Variants in UBQLNL observed in about 807,000 individuals in gnomAD.
UBQLNL encodes ubiquilin like, also known as ubiquilin-like protein.
For synonymous variants in UBQLNL, 223 were observed against 209.7 expected (o/e 1.06, Z -0.55); for missense variants, 589 against 567.1 (o/e 1.04, Z -0.39).
In UBQLNL at chr11:5,515,941, G is replaced by A. The variant is rs1336736860; in HGVS notation, c.501C>T (p.Ser167=). 1 of 1,614,086 alleles carries A rather than the reference G, an allele frequency of 6.2e-7. No individual in the cohort carries two copies. Among genetic ancestry groups the A allele is most frequent in the South Asian group, 1.1e-5 (1 of 91,082 alleles). Reference sequence around the variant, plus strand: ...GCATCTGTGCTTTGCACTCTGGGTGGCTCACTTCCAAGTTTTGGGTATGCA... The same window carrying A: ...GCATCTGTGCTTTGCACTCTGGGTGACTCACTTCCAAGTTTTGGGTATGCA... ...PKVHTQNLEV[S]HPECKAQMLE... Residue 167 remains serine, a synonymous_variant, in exon 1 of 1, where the codon AGC becomes AGT. Transcript: ENST00000380184.
rs145406312 is a variant in UBQLNL at position 5,516,232 on chromosome 11, T to G, written c.210A>C (p.Leu70=). Residue 70 remains leucine, a synonymous_variant, in exon 1 of 1, where the codon CTA becomes CTC. Transcript: ENST00000380184. ...LAHFQCQMDQ[L]VLVFMGCLLK... ...GAAGGCAACCCATGAAGACCAGCAC[T>G]AGTTGGTCCATCTGGCATTGGAAGT... 6.2e-6 allele frequency: 10 copies of G among 1,614,160 alleles called. No homozygotes were observed. Among genetic ancestry groups the G allele is most frequent in the South Asian group, 1.1e-5 (1 of 91,082 alleles).
rs1322045259 is a variant in UBQLNL at position 5,515,401 on chromosome 11, G to A, written c.1041C>T (p.Asp347=). 6.2e-7 allele frequency: 1 copy of A among 1,614,166 alleles called. No individual in the cohort carries two copies. The highest frequency in any genetic ancestry group is 1.7e-5 in the Admixed American group (1 of 60,030). The change falls in exon 1 of 1, where the codon GAC becomes GAT. Residue 347 remains aspartate (D), a synonymous_variant. Transcript: ENST00000380184. The part of the protein sequence containing the change: ...GGFSSNTSAN[D]TLNKVNHTSK... ...AAGTGTGGTTGACCTTGTTAAGGGT[G>A]TCATTGGCTGAGGTGTTTGAAGAGA... is the stretch of plus-strand genomic sequence containing the variant.
Position 5,515,774 on chromosome 11 carries a change from A to C in UBQLNL, c.668T>G (p.Leu223Trp). The C allele has an allele frequency of 1.2e-6, 2 of 1,614,112 alleles. No individual in the cohort carries two copies. Among genetic ancestry groups the C allele is most frequent in the Non-Finnish European group, 1.7e-6 (2 of 1,180,016 alleles). ...GTTCCTGGCCAGCTCCAGAGTCTGC[A>C]ATAGGATCTCAGAATTATCAAGAAG... ...RLLLDNSEIL[L>W]QTLELARNLA... The change falls in exon 1 of 1, where the codon TTG becomes TGG. Residue 223 changes from leucine to tryptophan, a missense_variant. Physicochemically the swap from Leu to Trp is moderately conservative, Grantham distance 61. Transcript: ENST00000380184.
In UBQLNL at chr11:5,515,288, C is replaced by T; in HGVS notation, c.1154G>A (p.Ser385Asn). ...RQPAWIPALP[S>N]IELTQQLQEE... ...TTGAAGCTGCTGGGTAAGCTCTATG[C>T]TAGGTAAGGCTGGTATCCAAGCTGG... is the stretch of plus-strand genomic sequence containing the variant. The change falls in exon 1 of 1, where the codon AGC becomes AAC. Residue 385 changes from serine (S) to asparagine (N), a missense_variant. By Grantham distance (46) the Ser-to-Asn change is conservative (BLOSUM62 1). Coordinates refer to ENST00000380184, the MANE Select transcript of UBQLNL (RefSeq NM_145053.5). 1 of 1,614,212 alleles carries T rather than the reference C, an allele frequency of 6.2e-7. No homozygotes were observed. The highest frequency in any genetic ancestry group is 8.5e-7 in the Non-Finnish European group (1 of 1,180,040).
At position 5,515,671 on chromosome 11, in the gene UBQLNL, A is replaced by G; in HGVS notation, c.771T>C (p.Tyr257=). 6.2e-7 allele frequency: 1 copy of G among 1,614,158 alleles called. No individual in the cohort carries two copies. The highest frequency in any genetic ancestry group is 8.5e-7 in the Non-Finnish European group (1 of 1,180,020). ...CACCTGGCATTGTCTCTAAGCCCAG[A>G]TATGGCTGTGGGTTCAGTGGATACT... The part of the protein sequence containing the change: ...NLEYPLNPQP[Y]LGLETMPGGN... Residue 257 remains tyrosine, a synonymous_variant, in exon 1 of 1, where the codon TAT becomes TAC. Coordinates refer to ENST00000380184, the MANE Select transcript of UBQLNL (RefSeq NM_145053.5).
Position 5,516,603 on chromosome 11 carries a change from A to C in UBQLNL, c.-162T>G, listed in dbSNP as rs558161742. 6.1e-6 allele frequency: 4 copies of C among 654,366 alleles called. 1 individual carries two copies. The East Asian group carries it at 1.1e-4, about 18-fold the overall frequency. The allele number at this position is 654,366 out of a possible 1,614,324, so 40.5% of individuals were successfully genotyped here. A position where few individuals can be genotyped will look rare whatever the true frequency, so the allele number is the denominator to read the frequency against. On this transcript the variant is annotated 5_prime_UTR_variant, in exon 1 of 1. Coordinates refer to ENST00000380184, the MANE Select transcript of UBQLNL (RefSeq NM_145053.5). ...AGGGATGAGTGACCAGACTGGGGCC[A>C]GATATTTTGTGATGTTGTGCCCTCA...
rs557573869 is a variant in UBQLNL, at chr11:5,515,894, C to T, written c.548G>A (p.Arg183Gln). The change falls in exon 1 of 1, where the codon CGG (arginine) becomes CAG (glutamine). Residue 183 changes from arginine to glutamine, a missense_variant. Transcript: ENST00000380184. ...AQMLENPSIQ[R>Q]LLSNMEFMWQ... ...CATGAACTCCATGTTGGACAGAAGCCGCTGGATGCTAGGATTCTCCAGCAT... is the reference window on the plus strand; with the variant it reads ...CATGAACTCCATGTTGGACAGAAGCTGCTGGATGCTAGGATTCTCCAGCAT... 70 of 1,614,028 alleles carry T rather than the reference C, an allele frequency of 4.3e-5. No individual in the cohort carries two copies. The East Asian group carries it at 7.1e-4, about 16-fold the overall frequency.
chr11:5,515,549 A>T lies in UBQLNL; in HGVS notation c.893T>A (p.Leu298Gln), dbSNP rs1207116710. ...PFGGNPFTAL[L>Q]AGQVLEQVQS... ...GACTTGTTCTAGCACTTGTCCTGCCAGGAGAGCTGTGAAAGGGTTTCCTCC... is the reference window on the plus strand; with the variant it reads ...GACTTGTTCTAGCACTTGTCCTGCCTGGAGAGCTGTGAAAGGGTTTCCTCC... The change falls in exon 1 of 1, where the codon CTG becomes CAG. Residue 298 changes from leucine (L) to glutamine (Q), a missense_variant. Physicochemically the swap from Leu to Gln is moderately radical, Grantham distance 113 (BLOSUM62 -2). Transcript: ENST00000380184. 1 of 1,614,044 alleles carries T rather than the reference A, an allele frequency of 6.2e-7. No individual in the cohort carries two copies. The highest frequency in any genetic ancestry group is 8.5e-7 in the Non-Finnish European group (1 of 1,180,036).
chr11:5,515,752 C>T lies in UBQLNL; in HGVS notation c.690G>A (p.Arg230=). ...TTATCTCTTGGATCATAGCAAGGTT[C>T]CTGGCCAGCTCCAGAGTCTGCAATA... is the stretch of plus-strand genomic sequence containing the variant. ...EILLQTLELA[R]NLAMIQEIMQ... is the part of the protein sequence containing the mutation. Residue 230 remains arginine, a synonymous_variant, in exon 1 of 1, where the codon AGG becomes AGA. Coordinates refer to ENST00000380184, the MANE Select transcript of UBQLNL (RefSeq NM_145053.5). 1.1e-5 allele frequency: 18 copies of T among 1,614,096 alleles called. No individual in the cohort carries two copies. Among genetic ancestry groups the T allele is most frequent in the Non-Finnish European group, 1.5e-5 (18 of 1,180,016 alleles).
At position 5,515,700 on chromosome 11, in the gene UBQLNL, G is replaced by A; in HGVS notation, c.742C>T (p.Leu248Phe). 1.2e-6 allele frequency: 2 copies of A among 1,614,160 alleles called. No homozygotes were observed. Among genetic ancestry groups the A allele is most frequent in the Non-Finnish European group, 8.5e-7 (1 of 1,180,026 alleles). Residue 248 changes from leucine (L) to phenylalanine (F), a missense_variant, in exon 1 of 1, where the codon CTT becomes TTT. By Grantham distance (22) the Leu-to-Phe change is conservative. Transcript: ENST00000380184. ...IMQIQQPSQNLEYPLNPQPYL... is the reference protein window; with the variant it reads ...IMQIQQPSQNFEYPLNPQPYL... ...GGCTGTGGGTTCAGTGGATACTCAA[G>A]GTTTTGTGAAGGTTGTTGGATCTGC...
Position 5,515,020 on chromosome 11 carries a change from A to G in UBQLNL, c.1422T>C (p.Ser474=). Reference sequence around the variant, plus strand: ...TGGAATGCTTTAGGGTTGCCTAAGCACTAAGCAGATCAGAAATCTGTGTCT... The same window carrying G: ...TGGAATGCTTTAGGGTTGCCTAAGCGCTAAGCAGATCAGAAATCTGTGTCT... ...LQQTQISDLL[S]A Residue 474 remains serine, a synonymous_variant, in exon 1 of 1, where the codon AGT becomes AGC. Coordinates refer to ENST00000380184, the MANE Select transcript of UBQLNL (RefSeq NM_145053.5). 6.2e-7 allele frequency: 1 copy of G among 1,613,440 alleles called. No homozygotes were observed. The highest frequency in any genetic ancestry group is 1.1e-5 in the South Asian group (1 of 91,030).
rs1160047063 is a variant in UBQLNL at position 5,515,134 on chromosome 11, G to C, written c.1308C>G (p.Asn436Lys). Residue 436 changes from asparagine to lysine, a missense_variant, in exon 1 of 1, where the codon AAC becomes AAG. Asn to Lys is a moderately conservative substitution (Grantham distance 94). Coordinates refer to ENST00000380184, the MANE Select transcript of UBQLNL (RefSeq NM_145053.5). Reference protein sequence around the residue: ...TGGMMQLLMNNPYLAAQIMLF... With the variant: ...TGGMMQLLMNKPYLAAQIMLF... Reference sequence around the variant, plus strand: ...ACATAATCTGAGCTGCCAGGTAGGGGTTGTTCATAAGCAACTGCATCATGC... The same window carrying C: ...ACATAATCTGAGCTGCCAGGTAGGGCTTGTTCATAAGCAACTGCATCATGC... 1 of 1,614,142 alleles carries C rather than the reference G, an allele frequency of 6.2e-7. No homozygotes were observed. Among genetic ancestry groups the C allele is most frequent in the African/African-American group, 1.3e-5 (1 of 74,956 alleles).
In UBQLNL at chr11:5,516,191, G is replaced by T. The variant is rs1006546686; in HGVS notation, c.251C>A (p.Thr84Lys). Residue 84 changes from threonine to lysine, a missense_variant, in exon 1 of 1, where the codon ACA becomes AAA. Coordinates refer to ENST00000380184, the MANE Select transcript of UBQLNL (RefSeq NM_145053.5). ...ATCCATGATGCCCCTCTGGCTCAGTGTGTCATGGTCTTTGAGAAGGCAACC... is the reference window on the plus strand; with the variant it reads ...ATCCATGATGCCCCTCTGGCTCAGTTTGTCATGGTCTTTGAGAAGGCAACC... ...FMGCLLKDHDTLSQRGIMDGH... is the reference protein window; with the variant it reads ...FMGCLLKDHDKLSQRGIMDGH... 5.6e-6 allele frequency: 9 copies of T among 1,614,046 alleles called. No individual in the cohort carries two copies. The highest frequency in any genetic ancestry group is 1.3e-5 in the African/African-American group (1 of 74,920).
chr11:5,515,389 C>A lies in UBQLNL; in HGVS notation c.1053G>T (p.Lys351Asn), dbSNP rs1455205019. 3.1e-6 allele frequency: 5 copies of A among 1,614,094 alleles called. No homozygotes were observed. Among genetic ancestry groups the A allele is most frequent in the Non-Finnish European group, 4.2e-6 (5 of 1,180,022 alleles). Residue 351 changes from lysine to asparagine, a missense_variant, in exon 1 of 1, where the codon AAG becomes AAT. Coordinates refer to ENST00000380184, the MANE Select transcript of UBQLNL (RefSeq NM_145053.5). ...TGTTGGCTTTGGAAGTGTGGTTGAC[C>A]TTGTTAAGGGTGTCATTGGCTGAGG... ...SNTSANDTLN[K>N]VNHTSKANTA...
Position 5,515,002 on chromosome 11 carries a change from C to CT in UBQLNL, c.*11dup, listed in dbSNP as rs1298516473. 6.2e-7 allele frequency: 1 copy of CT among 1,609,406 alleles called. No individual in the cohort carries two copies. The highest frequency in any genetic ancestry group is 1.3e-5 in the African/African-American group (1 of 74,900). On this transcript the variant is annotated 3_prime_UTR_variant, in exon 1 of 1. Transcript: ENST00000380184. Reference sequence around the variant, plus strand: ...TCAATCTGCAATATTGCTTGGAATGCTTTAGGGTTGCCTAAGCACTAAGCA... The same window carrying CT: ...TCAATCTGCAATATTGCTTGGAATGCTTTTAGGGTTGCCTAAGCACTAAGCA...
In UBQLNL at chr11:5,514,644, C is replaced by G; in HGVS notation, c.*370G>C. ...CTTGCGGATAGCAGCATTGGTGTCC[C>G]CTTCAGTAGCAATGAGTGCCTGTAG... is the stretch of plus-strand genomic sequence containing the variant. On this transcript the variant is annotated 3_prime_UTR_variant, in exon 1 of 1. Transcript: ENST00000380184. 5.0e-6 allele frequency: 1 copy of G among 198,354 alleles called. No homozygotes were observed. Among genetic ancestry groups the G allele is most frequent in the East Asian group, 1.2e-4 (1 of 8,342 alleles). The allele number at this position is 198,354 out of a possible 1,614,324, so 12.3% of individuals were successfully genotyped here.
In UBQLNL at chr11:5,515,583, C is replaced by A. The variant is rs144785115; in HGVS notation, c.859G>T (p.Asp287Tyr). The change falls in exon 1 of 1, where the codon GAT becomes TAT. Residue 287 changes from aspartate (D) to tyrosine (Y), a missense_variant. Transcript: ENST00000380184. The stretch of plus-strand genomic sequence containing the variant: ...GTGAAAGGGTTTCCTCCAAAAGGAT[C>A]TTGCATGCTGTTCAGCATTTGATCA... The part of the protein sequence containing the change: ...INDQMLNSMQ[D>Y]PFGGNPFTAL... 2 of 1,614,130 alleles carry A rather than the reference C, an allele frequency of 1.2e-6. No homozygotes were observed. Among genetic ancestry groups the A allele is most frequent in the Non-Finnish European group, 8.5e-7 (1 of 1,180,020 alleles).
rs536377854 is a variant in UBQLNL at position 5,514,394 on chromosome 11, C to T, written c.*620G>A. 3 of 151,670 alleles carry T rather than the reference C, an allele frequency of 2.0e-5. No individual in the cohort carries two copies. The highest frequency in any genetic ancestry group is 1.9e-4 in the East Asian group (1 of 5,144). 9.4% of individuals were successfully genotyped at this position (151,670 alleles called of 1,614,324 possible). On this transcript the variant is annotated 3_prime_UTR_variant, in exon 1 of 1. Coordinates refer to ENST00000380184, the MANE Select transcript of UBQLNL (RefSeq NM_145053.5). The stretch of plus-strand genomic sequence containing the variant: ...AAAGAAGTAAAGCCAAACCTCAGAT[C>T]GCAGCAAGTGAGTGTAGCCATTTTA...
chr11:5,515,984 C>T lies in UBQLNL; in HGVS notation c.458G>A (p.Gly153Glu), dbSNP rs780812097. The T allele has an allele frequency of 6.2e-7, 1 of 1,614,118 alleles. No individual in the cohort carries two copies. The highest frequency in any genetic ancestry group is 1.7e-5 in the Admixed American group (1 of 60,020). ...GGTATGCACTTTGGGTGCATCAGAC[C>T]CCACAAAGTGGGCCAGTTCCACTGG... is the stretch of plus-strand genomic sequence containing the variant. ...QAPVELAHFVGSDAPKVHTQN... is the reference protein window; with the variant it reads ...QAPVELAHFVESDAPKVHTQN... The change falls in exon 1 of 1, where the codon GGG (glycine) becomes GAG (glutamate). Residue 153 changes from glycine to glutamate, a missense_variant. Transcript: ENST00000380184.
Sources: gnomAD v4.1 joint callset for allele counts on GRCh38, gnomAD v4.1.1 for gene constraint, MANE v1.5 for transcripts, NCBI Gene and HGNC (gene_info 2026-07-23, HGNC 2026-07-21) for gene names.